The following WDFY3 variants were observed in gnomAD, a reference collection of about 807,000 sequenced individuals.
The protein encoded by WDFY3 is WD repeat and FYVE domain containing 3.
A neutral mutation model predicts 409.6 loss-of-function variants in WDFY3; 66 were observed. The observed-to-expected ratio is 0.16, with a 90% CI of 0.13 to 0.20. WDFY3 has a LOEUF of 0.20. Ranked by LOEUF, WDFY3 falls within the 10% of genes least tolerant of loss-of-function variation. The pLI, the probability that WDFY3 is intolerant of heterozygous loss-of-function variation, is 1.00. For synonymous variants in WDFY3, 1,521 were observed against 1,537.1 expected (o/e 0.99, Z 0.25); for missense variants, 3,031 against 4,298.1 (o/e 0.71, Z 8.24).
intron 19 of WDFY3, among the ~76,000 whole-genome samples, chr4:84,795,907 C>A (rs959473409): frequency 6.6e-6 from 1 of 152,004 alleles, no homozygotes; most frequent in South Asian, 2.1e-4. Context: ...TTACTATAAT[C>A]TTTTCTGCCA....
At chr4:84,705,805 AG>A (rs1357827716) in intron 53 of WDFY3, among the ~76,000 whole-genome samples, 1 of 152,192 alleles carries the variant, frequency 6.6e-6, no homozygotes, top group African/African-American at 2.4e-5. Flanking sequence ...GAGGATTAAG[AG>A]GGAAAATACT....
intron 15 of WDFY3, among the ~76,000 whole-genome samples, chr4:84,804,533 G>A (rs1024357458): frequency 3.3e-5 from 5 of 152,122 alleles, no homozygotes; most frequent in Non-Finnish European, 7.4e-5. Flanking sequence ...TATTTAAAAG[G>A]CAGCATGTCC....
chr4:84,776,179 A>G (rs950539998), intron 27 of WDFY3, among the ~76,000 whole-genome samples: 4 of 152,184 alleles, frequency 2.6e-5, no homozygotes, highest in African/African-American at 9.6e-5. Context: ...GGGAGAAATG[A>G]AAGTCTCTTA....
At chr4:84,742,126 A>T (rs1738540917) in intron 37 of WDFY3, among the ~76,000 whole-genome samples, 1 of 152,250 alleles carries the variant, frequency 6.6e-6, no homozygotes, top group Non-Finnish European at 1.5e-5. Flanking sequence ...ATAAAGCGTT[A>T]TGGATTGAAA....
rs762916646 is a variant in WDFY3 at position 84,924,955 on chromosome 4, T to A, written c.-132+7315A>T. 2.6e-5 allele frequency among the ~76,000 whole-genome samples: 4 copies of A among 152,308 alleles called. No individual in the cohort carries two copies. The East Asian group carries it at 7.7e-4, about 29-fold the overall frequency. ...ATATACTATTACATGTATACTTCCA[T>A]GAAAAACCTCATACCTACAAAAGGT... On this transcript the variant is annotated intron_variant, in intron 2 of 67. Transcript: ENST00000295888.
At chr4:84,713,366 G>T in intron 50 of WDFY3, 127 bp from the exon 51 acceptor site, 1 of 730,950 alleles carries the variant, frequency 1.4e-6, no homozygotes, top group Non-Finnish European at 2.3e-6. Flanking sequence ...CCACTAAATG[G>T]CAGGCAAAAG....
At chr4:84,796,999 C>T (rs1260359749) in intron 18 of WDFY3, among the ~76,000 whole-genome samples, 1 of 152,050 alleles carries the variant, frequency 6.6e-6, no homozygotes, top group African/African-American at 2.4e-5. Context: ...AAATAAACAT[C>T]TCAAATAATT....
intron 3 of WDFY3, among the ~76,000 whole-genome samples, chr4:84,874,483 T>C (rs1434659404): frequency 1.3e-5 from 2 of 152,072 alleles, no homozygotes; most frequent in Admixed American, 1.3e-4. Flanking sequence ...TGATTCCCTA[T>C]TGTCTAAGAA....
chr4:84,957,121 C>A (rs1387219806), intron 1 of WDFY3, among the ~76,000 whole-genome samples: 2 of 151,804 alleles, frequency 1.3e-5, no homozygotes, highest in Non-Finnish European at 2.9e-5. Flanking sequence ...CCAACTCAGT[C>A]ATAAGCATTA....
At chr4:84,873,029 T>C (rs1341514950) in intron 3 of WDFY3, among the ~76,000 whole-genome samples, 1 of 152,098 alleles carries the variant, frequency 6.6e-6, no homozygotes, top group Non-Finnish European at 1.5e-5. Flanking sequence ...AATATAAAAA[T>C]ATGTAGGGCA....
In WDFY3 at chr4:84,765,941, G is replaced by T. The variant is rs766398832; in HGVS notation, c.5057C>A (p.Ala1686Glu). ...TAGGACAACAAGAATCCTCATGGCTGCTGTAACTGTGGTGGAATGTAAGTG... is the reference window on the plus strand; with the variant it reads ...TAGGACAACAAGAATCCTCATGGCTTCTGTAACTGTGGTGGAATGTAAGTG... ...EEHLHSTTVT[A>E]AMRILVVLLS... Residue 1686 changes from alanine to glutamate, a missense_variant, in exon 32 of 68, where the codon GCA (alanine) becomes GAA (glutamate). Coordinates refer to ENST00000295888, the MANE Select transcript of WDFY3 (RefSeq NM_014991.6). 1 of 1,613,978 alleles carries T rather than the reference G, an allele frequency of 6.2e-7. No individual in the cohort carries two copies. The highest frequency in any genetic ancestry group is 2.2e-5 in the East Asian group (1 of 44,834).
intron 1 of WDFY3, among the ~76,000 whole-genome samples, chr4:84,948,263 C>A (rs919163816): frequency 6.6e-6 from 1 of 152,100 alleles, no homozygotes; most frequent in Admixed American, 6.6e-5. Context: ...TCCTATTTCA[C>A]AAGAAAGCAT....
At chr4:84,923,438 A>G (rs780720777) in intron 2 of WDFY3, among the ~76,000 whole-genome samples, 4 of 152,160 alleles carry the variant, frequency 2.6e-5, no homozygotes, top group Non-Finnish European at 5.9e-5. Flanking sequence ...AATTCAGTAT[A>G]TAAGTGTTTG....
At chr4:84,710,762 C>T (rs990807323) in intron 51 of WDFY3, among the ~76,000 whole-genome samples, 1 of 151,888 alleles carries the variant, frequency 6.6e-6, no homozygotes, top group African/African-American at 2.4e-5. Context: ...CAGGCAGTAG[C>T]AAGAACAAAG....
chr4:84,748,492 T>C (rs979972741), intron 36 of WDFY3, among the ~76,000 whole-genome samples: 1 of 152,166 alleles, frequency 6.6e-6, no homozygotes, highest in African/African-American at 2.4e-5. Flanking sequence ...GTAAATAATA[T>C]CATTCTCTAG....
intron 47 of WDFY3, among the ~76,000 whole-genome samples, chr4:84,718,880 G>C (rs139425377): frequency 6.6e-6 from 1 of 152,156 alleles, no homozygotes; most frequent in African/African-American, 2.4e-5. Flanking sequence ...CTCATGAAGG[G>C]AGACAGACAC....
rs1393821729 is a variant in WDFY3, at chr4:84,696,129, G to A, written c.8742C>T (p.Ile2914=). The part of the protein sequence containing the change: ...SAHLHEWIDL[I]FGYKQQGPAA... ...CAGGGCCTTGCTGTTTATAACCGAAGATTAAGTCAATCCACTCATGTAGAT... is the reference window on the plus strand; with the variant it reads ...CAGGGCCTTGCTGTTTATAACCGAAAATTAAGTCAATCCACTCATGTAGAT... The change falls in exon 58 of 68, where the codon ATC becomes ATT. Residue 2914 remains isoleucine (I), a synonymous_variant. Coordinates refer to ENST00000295888, the MANE Select transcript of WDFY3 (RefSeq NM_014991.6). The A allele has an allele frequency of 1.9e-5, 31 of 1,613,938 alleles. No individual in the cohort carries two copies. Among genetic ancestry groups the A allele is most frequent in the Non-Finnish European group, 2.5e-5 (29 of 1,180,016 alleles).
At chr4:84,944,870 T>C (rs1772611377) in intron 1 of WDFY3, among the ~76,000 whole-genome samples, 2 of 152,180 alleles carry the variant, frequency 1.3e-5, no homozygotes, top group Non-Finnish European at 2.9e-5. Context: ...TTTTGGGAAC[T>C]TATAGAATAT....
rs143921698 is a variant in WDFY3, at chr4:84,719,064, C to A, written c.7606-494G>T. On this transcript the variant is annotated intron_variant, in intron 47 of 67. Transcript: ENST00000295888. ...GGTCAAGTTTCTTAATTTCTCTGAG[C>A]CTCCATGTCTTTTTTTGTAAGTTTC... Among the ~76,000 whole-genome samples, 5 of 152,240 alleles carry A rather than the reference C, an allele frequency of 3.3e-5. No homozygotes were observed. The South Asian group carries it at 1.0e-3, about 32-fold the overall frequency.
Sources: gnomAD v4.1 joint callset for allele counts (sites outside exome capture counted in the v4.1 genomes callset) on GRCh38, gnomAD v4.1.1 for gene constraint, MANE v1.5 for transcripts, NCBI Gene and HGNC (gene_info 2026-07-23, HGNC 2026-07-21) for gene names.